CRTAC1: variants seen among roughly 807,000 people sequenced by gnomAD.
CRTAC1 encodes cartilage acidic protein 1.
CRTAC1 carries 37 observed loss-of-function variants against 67.8 expected under a neutral mutation model. The observed-to-expected ratio is 0.55, with a 90% confidence interval of 0.42 to 0.72. The LOEUF (loss-of-function observed/expected upper bound fraction) is 0.72, where lower values mean the gene tolerates loss of function less well. CRTAC1 is among the 30% of genes least tolerant of loss of function. The pLI is 0.00. For missense variants in CRTAC1, 780 were observed against 931.6 expected (o/e 0.84, Z 2.12); for synonymous variants, 348 against 371.0 (o/e 0.94, Z 0.71).
chr10:97,957,521 A>G (rs1257840878), intron 2 of CRTAC1, among the ~76,000 whole-genome samples: 1 of 152,128 alleles, frequency 6.6e-6, no homozygotes, highest in African/African-American at 2.4e-5. Context: ...CTGATGAGAA[A>G]ACCAAGGCTC....
At chr10:98,027,191 G>C (rs1196917173) in intron 1 of CRTAC1, among the ~76,000 whole-genome samples, 4 of 151,890 alleles carry the variant, frequency 2.6e-5, no homozygotes, top group African/African-American at 4.8e-5. Flanking sequence ...GAGAACAAAG[G>C]GGGCCGCCCA....
At chr10:97,988,418 G>T (rs976304477) in intron 2 of CRTAC1, among the ~76,000 whole-genome samples, 1 of 152,188 alleles carries the variant, frequency 6.6e-6, no homozygotes, top group African/African-American at 2.4e-5. Flanking sequence ...CACAAGGTGG[G>T]ACAGTAAGAA....
At chr10:97,865,770 T>C in intron 14 of CRTAC1, 56 bp from the exon 15 acceptor site, 1 of 1,344,556 alleles carries the variant, frequency 7.4e-7, no homozygotes, top group Non-Finnish European at 9.7e-7. Context: ...GCGGCTGCGC[T>C]ACCAGAGCAC....
intron 2 of CRTAC1, among the ~76,000 whole-genome samples, chr10:97,999,117 G>A (rs529228187): frequency 1.3e-5 from 2 of 152,204 alleles, no homozygotes; most frequent in African/African-American, 2.4e-5. Context: ...CCCACTCCAC[G>A]AAGAAGGCAG....
intron 1 of CRTAC1, among the ~76,000 whole-genome samples, chr10:98,027,672 G>C (rs1430287831): frequency 5.9e-5 from 9 of 152,086 alleles, no homozygotes; most frequent in Admixed American, 6.5e-5. Context: ...TCTATGACCT[G>C]TGTATGTCCA....
At chr10:97,940,677 C>T (rs966534918) in intron 2 of CRTAC1, among the ~76,000 whole-genome samples, 1 of 152,230 alleles carries the variant, frequency 6.6e-6, no homozygotes, top group Non-Finnish European at 1.5e-5. Context: ...GGTCCTGGCC[C>T]TGCCACCTCC....
At chr10:97,928,887 G>A (rs865868772) in intron 3 of CRTAC1, among the ~76,000 whole-genome samples, 14 of 152,146 alleles carry the variant, frequency 9.2e-5, no homozygotes, top group South Asian at 4.1e-4. Flanking sequence ...GGGCAAAGGG[G>A]CCATTGGTGG....
chr10:97,875,906 C>T (rs1242655927), intron 14 of CRTAC1: 4 of 152,188 alleles, frequency 2.6e-5, no homozygotes, highest in Non-Finnish European at 4.4e-5. Context: ...GGTTGGCAAC[C>T]GTGTAGATGC....
chr10:97,901,760 T>C, intron 7 of CRTAC1, 121 bp from the exon 8 acceptor site: 1 of 1,245,232 alleles, frequency 8.0e-7, no homozygotes, highest in South Asian at 1.4e-5. Flanking sequence ...AAAGCTCCTC[T>C]CCTGCCTCCC....
chr10:97,990,505 G>A (rs147256675), intron 2 of CRTAC1, among the ~76,000 whole-genome samples: 1 of 152,154 alleles, frequency 6.6e-6, no homozygotes, highest in African/African-American at 2.4e-5. Flanking sequence ...ACCCCATTTT[G>A]TTTTATCATT....
intron 2 of CRTAC1, among the ~76,000 whole-genome samples, chr10:98,010,627 G>A (rs528634450): frequency 3.3e-5 from 5 of 152,192 alleles, no homozygotes; most frequent in Non-Finnish European, 2.9e-5. Context: ...CATGCTCAGC[G>A]GAGGTTTAGC....
intron 2 of CRTAC1, among the ~76,000 whole-genome samples, chr10:97,945,587 A>G (rs1479796727): frequency 6.6e-6 from 1 of 152,170 alleles, no homozygotes; most frequent in Non-Finnish European, 1.5e-5. Flanking sequence ...AAAGGAATAG[A>G]GACTTTGGTA....
chr10:97,890,825 G>A (rs1219725335), intron 11 of CRTAC1, among the ~76,000 whole-genome samples: 5 of 151,796 alleles, frequency 3.3e-5, no homozygotes, highest in Non-Finnish European at 5.9e-5. Flanking sequence ...GCACCACCAC[G>A]CCCAGCTAAT....
intron 2 of CRTAC1, among the ~76,000 whole-genome samples, chr10:98,008,797 G>A (rs1842849941): frequency 1.3e-5 from 2 of 152,134 alleles, no homozygotes; most frequent in Non-Finnish European, 2.9e-5. Context: ...CTTGGGGGGC[G>A]AGGAGGAGGA....
intron 11 of CRTAC1, among the ~76,000 whole-genome samples, chr10:97,887,221 A>C (rs1018673465): frequency 2.2e-5 from 3 of 136,580 alleles, no homozygotes; most frequent in African/African-American, 8.6e-5. Flanking sequence ...TACTTGCGGC[A>C]CTTAGGTTTT....
At chr10:97,982,546 C>T (rs559046051) in intron 2 of CRTAC1, among the ~76,000 whole-genome samples, 11 of 152,324 alleles carry the variant, frequency 7.2e-5, no homozygotes, top group Non-Finnish European at 1.3e-4. Context: ...CTGTCAACAT[C>T]ATTACCAAAA....
chr10:97,935,962 G>A (rs1035662296), intron 3 of CRTAC1, among the ~76,000 whole-genome samples: 2 of 152,104 alleles, frequency 1.3e-5, no homozygotes, highest in African/African-American at 4.8e-5. Flanking sequence ...CCAGGTTCGG[G>A]TTTCAGGAGA....
At chr10:98,003,787 A>G (rs1209310304) in intron 2 of CRTAC1, among the ~76,000 whole-genome samples, 1 of 152,140 alleles carries the variant, frequency 6.6e-6, no homozygotes, top group Non-Finnish European at 1.5e-5. Context: ...GTATGTGTGC[A>G]TGTGTGTCTG....
At chr10:97,971,229 G>C (rs576875345) in intron 2 of CRTAC1, among the ~76,000 whole-genome samples, 2 of 152,268 alleles carry the variant, frequency 1.3e-5, no homozygotes, top group African/African-American at 4.8e-5. Flanking sequence ...ATCTATTCTA[G>C]AGAGCTCAAG....
Sources: gnomAD v4.1 joint callset for allele counts (sites outside exome capture counted in the v4.1 genomes callset) on GRCh38, gnomAD v4.1.1 for gene constraint, MANE v1.5 for transcripts, NCBI Gene and HGNC (gene_info 2026-07-23, HGNC 2026-07-21) for gene names.